Variants in TMEM163 observed in about 807,000 individuals in gnomAD.
TMEM163 encodes transmembrane protein 163.
A neutral mutation model predicts 29.3 loss-of-function variants in TMEM163; 17 were observed. The ratio of observed to expected loss-of-function variants is 0.58; its 90% CI spans 0.40 to 0.87. TMEM163 has a LOEUF of 0.87. Ranked by LOEUF, TMEM163 falls within the 40% of genes least tolerant of loss-of-function variation. TMEM163 has a pLI of 0.00. For missense variants in TMEM163, 303 were observed against 381.5 expected, an observed-to-expected ratio of 0.79 and a Z score of 1.71; for synonymous variants, 157 against 160.6, an observed-to-expected ratio of 0.98 and a Z score of 0.17.
At chr2:134,706,994 C>T (rs1472810530) in intron 2 of TMEM163, among the ~76,000 whole-genome samples, 1 of 152,170 alleles carries the variant, frequency 6.6e-6, no homozygotes, top group Non-Finnish European at 1.5e-5. Flanking sequence ...TCTGCCTGTT[C>T]CTCCCTCCTG....
chr2:134,461,178 T>C (rs1471396939), intron 6 of TMEM163, among the ~76,000 whole-genome samples: 1 of 152,200 alleles, frequency 6.6e-6, no homozygotes, highest in Non-Finnish European at 1.5e-5. Flanking sequence ...AGAAATGTTA[T>C]CAGTTTAGGA....
At chr2:134,604,457 A>G (rs1376771280) in intron 2 of TMEM163, among the ~76,000 whole-genome samples, 2 of 152,086 alleles carry the variant, frequency 1.3e-5, no homozygotes, top group African/African-American at 4.8e-5. Context: ...AAAAACCTCA[A>G]AATAAAGCAA....
chr2:134,694,301 A>G (rs1182222205), intron 2 of TMEM163, among the ~76,000 whole-genome samples: 1 of 152,248 alleles, frequency 6.6e-6, no homozygotes, highest in African/African-American at 2.4e-5. Flanking sequence ...CTAAGTTATT[A>G]GAATCCCAGT....
intron 4 of TMEM163, among the ~76,000 whole-genome samples, chr2:134,545,935 T>C (rs1219775452): frequency 6.6e-6 from 1 of 152,208 alleles, no homozygotes; most frequent in East Asian, 1.9e-4. Flanking sequence ...GCTACTTTAT[T>C]CTCTCTTCTT....
intron 2 of TMEM163, among the ~76,000 whole-genome samples, chr2:134,589,656 C>A (rs1247538656): frequency 6.6e-6 from 1 of 152,168 alleles, no homozygotes; most frequent in Non-Finnish European, 1.5e-5. Context: ...ATGAATAGTC[C>A]ACCCATTGTT....
At chr2:134,477,096 CCTT>C (rs1286211637) in intron 5 of TMEM163, among the ~76,000 whole-genome samples, 6 of 152,204 alleles carry the variant, frequency 3.9e-5, no homozygotes, top group Admixed American at 1.3e-4. Context: ...ACCCACCCCT[CCTT>C]CTTATCTGCC....
At chr2:134,566,064 G>A (rs1468761156) in intron 2 of TMEM163, among the ~76,000 whole-genome samples, 1 of 152,146 alleles carries the variant, frequency 6.6e-6, no homozygotes, top group Admixed American at 6.6e-5. Flanking sequence ...TTTCATCAAT[G>A]ATGCTTCTGT....
intron 2 of TMEM163, among the ~76,000 whole-genome samples, chr2:134,615,691 C>A: frequency 8.3e-6 from 1 of 119,808 alleles, no homozygotes; most frequent in Admixed American, 1.1e-4. Flanking sequence ...GAATCTGGCT[C>A]TGTCACCCAA....
intron 2 of TMEM163, among the ~76,000 whole-genome samples, chr2:134,582,092 C>T (rs1428421384): frequency 6.6e-6 from 1 of 152,116 alleles, no homozygotes; most frequent in African/African-American, 2.4e-5. Context: ...CTTTCAGTTT[C>T]CTAGAAACCA....
chr2:134,489,210 C>T (rs1679375914), intron 5 of TMEM163, among the ~76,000 whole-genome samples: 1 of 152,274 alleles, frequency 6.6e-6, no homozygotes, highest in South Asian at 2.1e-4. Context: ...AGGCCTAAAG[C>T]ACCTACATTT....
intron 2 of TMEM163, among the ~76,000 whole-genome samples, chr2:134,604,575 T>G (rs1682309848): frequency 6.7e-6 from 1 of 150,280 alleles, no homozygotes; most frequent in African/African-American, 2.5e-5. Context: ...AGAAGAGGGG[T>G]GGGACTGGGA....
At chr2:134,708,762 TA>T (rs1684869161) in intron 2 of TMEM163, among the ~76,000 whole-genome samples, 1 of 151,820 alleles carries the variant, frequency 6.6e-6, no homozygotes, top group African/African-American at 2.4e-5. Context: ...AATTTGTGTA[TA>T]TTTTTTAGTA....
chr2:134,479,113 C>A (rs1686986136), intron 5 of TMEM163, among the ~76,000 whole-genome samples: 1 of 152,218 alleles, frequency 6.6e-6, no homozygotes, highest in Non-Finnish European at 1.5e-5. Context: ...GTAACTGGAT[C>A]TTGAACCTCC....
intron 4 of TMEM163, among the ~76,000 whole-genome samples, chr2:134,546,994 C>T (rs1025535665): frequency 2.6e-5 from 4 of 151,904 alleles, no homozygotes; most frequent in Non-Finnish European, 5.9e-5. Context: ...CAGTCAAATT[C>T]ATAGAAACAG....
intron 2 of TMEM163, among the ~76,000 whole-genome samples, chr2:134,562,339 T>C (rs1242537817): frequency 6.6e-6 from 1 of 152,250 alleles, no homozygotes; most frequent in Non-Finnish European, 1.5e-5. Context: ...CAAAAAATCC[T>C]TGTTAAACTG....
intron 4 of TMEM163, among the ~76,000 whole-genome samples, chr2:134,547,236 T>G (rs1039882135): frequency 1.3e-5 from 2 of 152,168 alleles, no homozygotes; most frequent in Non-Finnish European, 2.9e-5. Context: ...ATAAAAATCT[T>G]TAAAATGCAA....
intron 2 of TMEM163, among the ~76,000 whole-genome samples, chr2:134,685,352 C>A (rs1477868664): frequency 1.3e-5 from 2 of 152,158 alleles, no homozygotes; most frequent in African/African-American, 4.8e-5. Flanking sequence ...AATTTCTAAT[C>A]CAGAAAGAGC....
intron 4 of TMEM163, among the ~76,000 whole-genome samples, chr2:134,548,146 A>C (rs907309303): frequency 2.6e-5 from 4 of 152,220 alleles, no homozygotes; most frequent in South Asian, 2.1e-4. Flanking sequence ...TTCTCCTTTG[A>C]GGGCACTGGC....
chr2:134,707,868 A>T (rs1439262296), intron 2 of TMEM163, among the ~76,000 whole-genome samples: 1 of 149,800 alleles, frequency 6.7e-6, no homozygotes, highest in East Asian at 2.0e-4. Flanking sequence ...GTCTGAAAAA[A>T]GGGGGGCAAA....
Sources: gnomAD v4.1 joint callset for allele counts (sites outside exome capture counted in the v4.1 genomes callset) on GRCh38, gnomAD v4.1.1 for gene constraint, MANE v1.5 for transcripts, NCBI Gene and HGNC (gene_info 2026-07-23, HGNC 2026-07-21) for gene names.